TSPAN4: variants seen among roughly 807,000 people sequenced by gnomAD.
The protein encoded by TSPAN4 is tetraspanin-4.
A neutral mutation model predicts 31.5 loss-of-function variants in TSPAN4; 38 were observed. The observed-to-expected ratio is 1.21, with a 90% CI of 0.93 to 1.58. TSPAN4 has a LOEUF of 1.58. Ranked by LOEUF, TSPAN4 falls within the 40% of genes most tolerant of loss-of-function variation. The pLI is 0.00. For missense variants in TSPAN4, 330 were observed against 317.3 expected (o/e 1.04, Z -0.30); for synonymous variants, 186 against 144.6 (o/e 1.29, Z -2.06).
chr11:864,602 G>A (rs1565148023), intron 5 of TSPAN4, 91 bp downstream of exon 5: 10 of 1,525,092 alleles, frequency 6.6e-6, no homozygotes, highest in Non-Finnish European at 8.1e-6. Flanking sequence ...TGGACAGAGT[G>A]GCCCTGCATG....
chr11:855,303 T>G (rs1280247025), intron 3 of TSPAN4, among the ~76,000 whole-genome samples: 1 of 152,130 alleles, frequency 6.6e-6, no homozygotes, highest in Non-Finnish European at 1.5e-5. Context: ...GGAGTGAGCG[T>G]GGGGGACCTG....
rs371055480 is a variant in TSPAN4, at chr11:862,592, G to A, written c.106G>A (p.Ala36Thr). The A allele has an allele frequency of 3.9e-5, 63 of 1,612,040 alleles. No individual in the cohort carries two copies. In the African/African-American group the frequency reaches 4.9e-4, roughly 13 times the overall value. ...GCTGGGTGTCGGCATCTGGCTGGCC[G>A]CCACACAGGGGAGCTTCGCCACGCT... is the stretch of plus-strand genomic sequence containing the variant. ...GVLGVGIWLA[A>T]TQGSFATLSS... Residue 36 changes from alanine to threonine, a missense_variant, in exon 4 of 9, where the codon GCC becomes ACC. Coordinates refer to ENST00000397397, the MANE Select transcript of TSPAN4 (RefSeq NM_003271.5).
At chr11:845,776 C>T (rs7937502) in intron 1 of TSPAN4, among the ~76,000 whole-genome samples, 7,747 of 151,904 alleles carry the variant, frequency 0.051, 238 homozygotes, top group Middle Eastern at 0.099. Context: ...CTCGGTGGTC[C>T]CAGGAGGAAA....
chr11:852,704 C>G (rs888417318), intron 3 of TSPAN4, among the ~76,000 whole-genome samples: 6 of 152,244 alleles, frequency 3.9e-5, no homozygotes, highest in African/African-American at 1.2e-4. Context: ...GGCTCCTTTC[C>G]TTTTGGGGGT....
intron 3 of TSPAN4, 111 bp from the exon 4 acceptor site, chr11:862,439 C>G: frequency 9.6e-7 from 1 of 1,039,686 alleles, no homozygotes; most frequent in South Asian, 1.7e-5. Flanking sequence ...GGTTCTGGCT[C>G]AGGCTGGCAG....
At chr11:843,403 A>C (rs1290111405) in intron 1 of TSPAN4, 1 of 151,394 alleles carries the variant, frequency 6.6e-6, no homozygotes, top group Admixed American at 6.6e-5. Context: ...CGCGCCTCTG[A>C]GCACGGGGAG....
chr11:862,484 C>A, intron 3 of TSPAN4, 66 bp from the exon 4 acceptor site: 2 of 1,427,146 alleles, frequency 1.4e-6, no homozygotes, highest in Non-Finnish European at 1.9e-6. Flanking sequence ...CCGGGCTCTG[C>A]CCTGGGGTCC....
rs757192296 is a variant in TSPAN4, at chr11:864,435, A to G, written c.256-2A>G. 1.2e-6 allele frequency: 2 copies of G among 1,612,356 alleles called. No homozygotes were observed. Among genetic ancestry groups the G allele is most frequent in the Middle Eastern group, 1.7e-4 (1 of 6,060 alleles). On this transcript the variant is annotated splice_acceptor_variant, in intron 4 of 8. Transcript: ENST00000397397. LOFTEE classifies it high-confidence loss of function. ...CCCTGTCTGAGCCTGCCCCCTCCAC[A>G]GTTCTTCCTGCTGCTGCTGCTGGTG...
intron 1 of TSPAN4, chr11:843,568 C>T (rs542912148): frequency 6.6e-6 from 1 of 152,380 alleles, no homozygotes; most frequent in Non-Finnish European, 1.5e-5. Context: ...TGCCCTGGAG[C>T]TCAGGGCCTA....
At chr11:856,227 G>A (rs1210062696) in intron 3 of TSPAN4, among the ~76,000 whole-genome samples, 1 of 152,216 alleles carries the variant, frequency 6.6e-6, no homozygotes, top group African/African-American at 2.4e-5. Flanking sequence ...AAGCCTTTTG[G>A]GCTCCTAATC....
rs778971924 is a variant in TSPAN4, at chr11:866,583, A to G, written c.670A>G (p.Met224Val). Residue 224 changes from methionine (M) to valine (V), a missense_variant, in exon 9 of 9, where the codon ATG becomes GTG. By Grantham distance (21) the Met-to-Val change is conservative. Coordinates refer to ENST00000397397, the MANE Select transcript of TSPAN4 (RefSeq NM_003271.5). ...LVQILGLTFA[M>V]TMYCQVVKAD... ...ACAGATCCTGGGCCTGACCTTCGCC[A>G]TGACCATGTACTGCCAAGTGGTCAA... The G allele has an allele frequency of 6.2e-7, 1 of 1,613,518 alleles. No homozygotes were observed. Among genetic ancestry groups the G allele is most frequent in the Admixed American group, 1.7e-5 (1 of 60,000 alleles).
Position 867,084 on chromosome 11 carries a change from G to A in TSPAN4, c.*454G>A, listed in dbSNP as rs1036139358. 4 of 160,026 alleles carry A rather than the reference G, an allele frequency of 2.5e-5. No individual in the cohort carries two copies. Among genetic ancestry groups the A allele is most frequent in the Admixed American group, 2.5e-4 (4 of 16,268 alleles). 9.9% of individuals were successfully genotyped at this position (160,026 alleles called of 1,614,324 possible). ...CCATAGTGGGCCCGTGGGGCTCCTGGTGCATCTTAATAAAGTGTGAGCAGC... is the reference window on the plus strand; with the variant it reads ...CCATAGTGGGCCCGTGGGGCTCCTGATGCATCTTAATAAAGTGTGAGCAGC... On this transcript the variant is annotated 3_prime_UTR_variant, in exon 9 of 9. Transcript: ENST00000397397.
chr11:845,090 C>T (rs1030620293), intron 1 of TSPAN4, among the ~76,000 whole-genome samples: 7 of 152,184 alleles, frequency 4.6e-5, no homozygotes, highest in African/African-American at 1.4e-4. Context: ...AGGGCTGCAT[C>T]CCTCCTGCCG....
chr11:864,216 ACT>A (rs932081801), intron 4 of TSPAN4: 1 of 610,124 alleles, frequency 1.6e-6, no homozygotes, highest in African/African-American at 1.9e-5. Context: ...AGGGCCCCAC[ACT>A]CAGGGGCTGA....
chr11:852,715 G>A (rs1203678616), intron 3 of TSPAN4, among the ~76,000 whole-genome samples: 1 of 152,256 alleles, frequency 6.6e-6, no homozygotes, highest in Non-Finnish European at 1.5e-5. Flanking sequence ...TTTTGGGGGT[G>A]CCAGCCCCCT....
chr11:862,378 C>T, intron 3 of TSPAN4, 172 bp from the exon 4 acceptor site: 1 of 595,592 alleles, frequency 1.7e-6, no homozygotes, highest in Non-Finnish European at 2.9e-6. Context: ...AAAGACTGGC[C>T]TGCCCTGGAC....
chr11:854,211 C>T (rs927733902), intron 3 of TSPAN4, among the ~76,000 whole-genome samples: 2 of 152,220 alleles, frequency 1.3e-5, no homozygotes, highest in African/African-American at 2.4e-5. Flanking sequence ...TCCTTCCAGA[C>T]GCTGCTCCCC....
At chr11:862,496 G>C in intron 3 of TSPAN4, 54 bp from the exon 4 acceptor site, 1 of 1,502,370 alleles carries the variant, frequency 6.7e-7, no homozygotes, top group Admixed American at 1.9e-5. Flanking sequence ...CTGGGGTCCA[G>C]AGCTTGCATT....
Position 862,576 on chromosome 11 carries a change from C to T in TSPAN4, c.90C>T (p.Val30=), listed in dbSNP as rs146053360. Residue 30 remains valine, a synonymous_variant, in exon 4 of 9, where the codon GTC becomes GTT. Transcript: ENST00000397397. ...TGGGAGGCTGTGGCGTGCTGGGTGTCGGCATCTGGCTGGCCGCCACACAGG... is the reference window on the plus strand; with the variant it reads ...TGGGAGGCTGTGGCGTGCTGGGTGTTGGCATCTGGCTGGCCGCCACACAGG... ...FWLGGCGVLG[V]GIWLAATQGS... 2.4e-4 allele frequency: 380 copies of T among 1,610,398 alleles called. 1 individual carries two copies. In the African/African-American group the frequency reaches 2.5e-3, roughly 11 times the overall value.
Sources: gnomAD v4.1 joint callset for allele counts (sites outside exome capture counted in the v4.1 genomes callset) on GRCh38, gnomAD v4.1.1 for gene constraint, MANE v1.5 for transcripts, NCBI Gene and HGNC (gene_info 2026-07-23, HGNC 2026-07-21) for gene names.